FSIP1: variants seen among roughly 807,000 people sequenced by gnomAD.
The protein encoded by FSIP1 is fibrous sheath interacting protein 1, also known as fibrous sheath-interacting protein 1.
In FSIP1, 65 loss-of-function variants were observed where a neutral mutation model predicts 60.9. The ratio of observed to expected loss-of-function variants is 1.07; its 90% confidence interval spans 0.87 to 1.31. The LOEUF is 1.31. Ranked by LOEUF, FSIP1 falls within the 40% of genes most tolerant of loss-of-function variation. The pLI is 0.00. For missense variants in FSIP1, 675 were observed against 665.5 expected, an observed-to-expected ratio of 1.01 and a Z score of -0.16; for synonymous variants, 209 against 221.2, an observed-to-expected ratio of 0.94 and a Z score of 0.49.
intron 10 of FSIP1, among the ~76,000 whole-genome samples, chr15:39,704,580 C>T (rs533325073): frequency 1.3e-5 from 2 of 152,106 alleles, no homozygotes; most frequent in African/African-American, 4.8e-5. Context: ...GAAGAGTTGG[C>T]CTTCTGATTA....
intron 10 of FSIP1, among the ~76,000 whole-genome samples, chr15:39,701,590 C>CT (rs1895061531): frequency 6.6e-6 from 1 of 152,180 alleles, no homozygotes; most frequent in Non-Finnish European, 1.5e-5. Context: ...CAAGGAAGGT[C>CT]TAACTCCAAG....
intron 5 of FSIP1, among the ~76,000 whole-genome samples, chr15:39,744,626 G>A (rs1006429782): frequency 6.6e-6 from 1 of 152,104 alleles, no homozygotes; most frequent in Non-Finnish European, 1.5e-5. Context: ...GAACTGAGGG[G>A]AGACCCCGCA....
intron 10 of FSIP1, among the ~76,000 whole-genome samples, chr15:39,703,611 G>A (rs1455702440): frequency 2.0e-5 from 3 of 152,090 alleles, no homozygotes; most frequent in African/African-American, 7.2e-5. Context: ...CAAACATTAG[G>A]AGAAATATCT....
At chr15:39,675,916 C>A (rs1893917137) in intron 10 of FSIP1, among the ~76,000 whole-genome samples, 1 of 151,774 alleles carries the variant, frequency 6.6e-6, no homozygotes, top group Non-Finnish European at 1.5e-5. Flanking sequence ...AATATCCTAG[C>A]GCTTTGGAAG....
chr15:39,623,532 A>G (rs984231156), intron 10 of FSIP1, among the ~76,000 whole-genome samples: 2 of 152,216 alleles, frequency 1.3e-5, no homozygotes, highest in Non-Finnish European at 2.9e-5. Context: ...ATAAGCAACT[A>G]AAAAACATTC....
intron 8 of FSIP1, among the ~76,000 whole-genome samples, chr15:39,728,917 C>T (rs982310390): frequency 1.3e-5 from 2 of 151,412 alleles, no homozygotes; most frequent in African/African-American, 4.8e-5. Context: ...AAGCAAAGAG[C>T]AAAGTAGGCA....
chr15:39,618,054 G>A lies in FSIP1; in HGVS notation c.1380C>T (p.Val460=), dbSNP rs1891302646. 2 of 1,614,048 alleles carry A rather than the reference G, an allele frequency of 1.2e-6. No homozygotes were observed. The highest frequency in any genetic ancestry group is 1.7e-6 in the Non-Finnish European group (2 of 1,179,988). The change falls in exon 11 of 12, where the codon GTC becomes GTT. Residue 460 remains valine, a synonymous_variant. Coordinates refer to ENST00000350221, the MANE Select transcript of FSIP1 (RefSeq NM_152597.5). ...SKLLNESETK[V]QKTEVEDADM... ...CTGCATCTTCTACCTCAGTTTTCTG[G>A]ACCTTTGTTTCTGATTCATTTAGCA...
intron 10 of FSIP1, among the ~76,000 whole-genome samples, chr15:39,645,985 A>G (rs1467924088): frequency 1.3e-5 from 2 of 152,174 alleles, no homozygotes; most frequent in Non-Finnish European, 2.9e-5. Flanking sequence ...GAGGAGACTC[A>G]TGGTGCCTCT....
chr15:39,713,890 G>A (rs1340573116), intron 9 of FSIP1, among the ~76,000 whole-genome samples: 2 of 152,210 alleles, frequency 1.3e-5, no homozygotes, highest in Admixed American at 6.5e-5. Context: ...TTACCAGCTT[G>A]AGACCTTGGA....
At chr15:39,644,672 A>G (rs909060352) in intron 10 of FSIP1, among the ~76,000 whole-genome samples, 1 of 152,114 alleles carries the variant, frequency 6.6e-6, no homozygotes, top group African/African-American at 2.4e-5. Context: ...TAGATACACA[A>G]TGTTCAAAAG....
chr15:39,698,529 T>C (rs895576886), intron 10 of FSIP1, among the ~76,000 whole-genome samples: 1 of 152,196 alleles, frequency 6.6e-6, no homozygotes. Context: ...GTTACTCCTT[T>C]TCCCCAAAAT....
chr15:39,631,921 T>C (rs1470455204), intron 10 of FSIP1, among the ~76,000 whole-genome samples: 2 of 152,192 alleles, frequency 1.3e-5, no homozygotes, highest in African/African-American at 4.8e-5. Context: ...CCATCTTTCA[T>C]GTGAACATTT....
At chr15:39,666,426 T>C (rs1380986819) in intron 10 of FSIP1, among the ~76,000 whole-genome samples, 1 of 152,224 alleles carries the variant, frequency 6.6e-6, no homozygotes, top group African/African-American at 2.4e-5. Context: ...TTTTCATCCA[T>C]TCGTTCAGGC....
intron 10 of FSIP1, among the ~76,000 whole-genome samples, chr15:39,645,432 A>G (rs1391769770): frequency 6.6e-6 from 1 of 151,990 alleles, no homozygotes; most frequent in African/African-American, 2.4e-5. Flanking sequence ...GTGAGCAAGC[A>G]GGAGCCTCGC....
intron 10 of FSIP1, among the ~76,000 whole-genome samples, chr15:39,675,517 A>C (rs897990109): frequency 6.6e-6 from 1 of 152,246 alleles, no homozygotes; most frequent in Admixed American, 6.5e-5. Context: ...AGTCCTAAAA[A>C]AGGGTGCACC....
intron 10 of FSIP1, among the ~76,000 whole-genome samples, chr15:39,645,658 C>A (rs1892567180): frequency 1.3e-5 from 2 of 152,220 alleles, no homozygotes; most frequent in African/African-American, 4.8e-5. Context: ...CAGGCCGGAG[C>A]TCCTGGCTGC....
At chr15:39,601,968 G>A (rs1347329917) in intron 11 of FSIP1, among the ~76,000 whole-genome samples, 1 of 152,180 alleles carries the variant, frequency 6.6e-6, no homozygotes, top group South Asian at 2.1e-4. Context: ...TGATAGTGGT[G>A]ATGGAGGTAC....
chr15:39,662,638 C>T (rs1453785592), intron 10 of FSIP1, among the ~76,000 whole-genome samples: 1 of 152,014 alleles, frequency 6.6e-6, no homozygotes, highest in Non-Finnish European at 1.5e-5. Context: ...AATCGACTTC[C>T]TTCTGCCTCA....
At chr15:39,719,196 T>G (rs376506331) in intron 9 of FSIP1, among the ~76,000 whole-genome samples, 1 of 150,218 alleles carries the variant, frequency 6.7e-6, no homozygotes, top group Non-Finnish European at 1.5e-5. Flanking sequence ...GGAAAGATTC[T>G]TTTTTCACAA....
Sources: gnomAD v4.1 joint callset for allele counts (sites outside exome capture counted in the v4.1 genomes callset) on GRCh38, gnomAD v4.1.1 for gene constraint, MANE v1.5 for transcripts, NCBI Gene and HGNC (gene_info 2026-07-23, HGNC 2026-07-21) for gene names.